Variants in LINGO2 observed in about 807,000 individuals in gnomAD.
LINGO2 encodes leucine rich repeat and Ig domain containing 2.
LINGO2 carries 14 observed loss-of-function variants against 30.6 expected under a neutral mutation model. That is an observed-to-expected ratio of 0.46 (90% CI 0.30 to 0.72). The LOEUF (loss-of-function observed/expected upper bound fraction) is 0.72. Ranked by LOEUF, LINGO2 falls within the 30% of genes least tolerant of loss-of-function variation. The pLI, the probability that LINGO2 is intolerant of heterozygous loss-of-function variation, is 0.07. For synonymous variants in LINGO2, 317 were observed against 288.5 expected (o/e 1.10, Z -1.00); for missense variants, 729 against 751.7 (o/e 0.97, Z 0.35).
At chr9:28,816,706 G>A in the LINGO2 span, among the ~76,000 whole-genome samples, 1 of 152,250 alleles carries the variant, frequency 6.6e-6, no homozygotes, top group Non-Finnish European at 1.5e-5. Context: ...AAAAGAAAGA[G>A]AGGTGATTTA....
chr9:28,072,035 A>G (rs954785854), intron 4 of LINGO2, among the ~76,000 whole-genome samples: 6 of 152,140 alleles, frequency 3.9e-5, no homozygotes, highest in Admixed American at 2.6e-4. Context: ...TACCAATCCC[A>G]TCTTCATCCT....
At chr9:28,258,124 C>A (rs1822443073) in intron 4 of LINGO2, among the ~76,000 whole-genome samples, 1 of 151,936 alleles carries the variant, frequency 6.6e-6, no homozygotes, top group African/African-American at 2.4e-5. Context: ...GTTTGTCTTT[C>A]AAGTGCTTAT....
chr9:28,336,827 G>T (rs564652454), intron 3 of LINGO2, among the ~76,000 whole-genome samples: 4 of 151,790 alleles, frequency 2.6e-5, no homozygotes, highest in Non-Finnish European at 5.9e-5. Context: ...AGCAATAGCA[G>T]ATTTAAAATA....
chr9:28,111,220 A>T (rs3861020), intron 4 of LINGO2, among the ~76,000 whole-genome samples: 2 of 151,994 alleles, frequency 1.3e-5, no homozygotes, highest in African/African-American at 4.8e-5. Flanking sequence ...GGAACATCAC[A>T]CACCCGGGCC....
chr9:28,196,314 T>C (rs1290789798), intron 4 of LINGO2, among the ~76,000 whole-genome samples: 2 of 151,682 alleles, frequency 1.3e-5, no homozygotes, highest in African/African-American at 2.4e-5. Flanking sequence ...AATAATGTAA[T>C]TATCAGAATT....
the LINGO2 span, chr9:27,940,786 C>CT: frequency 1.3e-5 from 2 of 152,136 alleles, no homozygotes; most frequent in African/African-American, 4.8e-5. Flanking sequence ...ACCAGAAAGT[C>CT]TTTAAGGTGC....
chr9:28,385,693 T>C (rs906814423), intron 2 of LINGO2, among the ~76,000 whole-genome samples: 3 of 152,156 alleles, frequency 2.0e-5, no homozygotes, highest in South Asian at 2.1e-4. Context: ...ATTGTGTTTC[T>C]TTCCATAAAA....
Position 28,211,896 on chromosome 9 carries a change from G to T in LINGO2, c.-87+83312C>A, listed in dbSNP as rs550962343. Among the ~76,000 whole-genome samples, 3 of 150,964 alleles carry T rather than the reference G, an allele frequency of 2.0e-5. No homozygotes were observed. In the South Asian group the frequency reaches 6.3e-4, roughly 32 times the overall value. On this transcript the variant is annotated intron_variant, in intron 4 of 5. Transcript: ENST00000379992. The stretch of plus-strand genomic sequence containing the variant: ...TTCCTTGCTCTATTTTAAAGGTCCA[G>T]GTTAGTATTCTGCTTTGCATTCTCA...
At chr9:27,950,041 G>A (rs766337466) in exon 6 of LINGO2, 3 of 1,614,124 alleles carry the variant, frequency 1.9e-6, no homozygotes, top group Admixed American at 3.3e-5. Flanking sequence ...TTGATATTGA[G>A]ATGCTTCAGA....
chr9:29,146,452 C>T, the LINGO2 span, among the ~76,000 whole-genome samples: 15 of 151,956 alleles, frequency 9.9e-5, no homozygotes, highest in Non-Finnish European at 1.6e-4. Flanking sequence ...GCTGCTTTTG[C>T]CCACAATTAC....
the LINGO2 span, among the ~76,000 whole-genome samples, chr9:28,794,906 C>T: frequency 6.6e-6 from 1 of 151,604 alleles, no homozygotes. Flanking sequence ...TCTCAGCTCA[C>T]TGCAACCTGC....
chr9:28,804,567 A>AAACAAAC, the LINGO2 span, among the ~76,000 whole-genome samples: 1 of 124,468 alleles, frequency 8.0e-6, no homozygotes, highest in African/African-American at 2.5e-5. Context: ...ACAAAAACAA[A>AAACAAAC]AAAAAAACAG....
At chr9:29,188,014 C>CTTTTTTTTTT in the LINGO2 span, among the ~76,000 whole-genome samples, 52 of 75,768 alleles carry the variant, frequency 6.9e-4, no homozygotes, top group East Asian at 8.3e-4. Flanking sequence ...TTGACAGAGT[C>CTTTTTTTTTT]TTTTTTTTTT....
chr9:28,634,660 A>G (rs891236121), intron 1 of LINGO2, among the ~76,000 whole-genome samples: 5 of 151,540 alleles, frequency 3.3e-5, no homozygotes, highest in Non-Finnish European at 7.4e-5. Context: ...TAACTTTTGT[A>G]TTTTTGGTAG....
the LINGO2 span, among the ~76,000 whole-genome samples, chr9:29,007,370 T>A: frequency 6.6e-6 from 1 of 152,144 alleles, no homozygotes; most frequent in Non-Finnish European, 1.5e-5. Flanking sequence ...TACTCCATTA[T>A]ATATTTTGTT....
At chr9:28,217,487 C>T (rs1410533932) in intron 4 of LINGO2, among the ~76,000 whole-genome samples, 1 of 152,032 alleles carries the variant, frequency 6.6e-6, no homozygotes, top group East Asian at 1.9e-4. Flanking sequence ...TGTTCATACC[C>T]TTATGCATGA....
chr9:29,065,998 GA>G, the LINGO2 span, among the ~76,000 whole-genome samples: 3 of 151,932 alleles, frequency 2.0e-5, no homozygotes, highest in African/African-American at 4.8e-5. Flanking sequence ...GCAGAAGAGA[GA>G]AAACTGGAGC....
intron 3 of LINGO2, among the ~76,000 whole-genome samples, chr9:28,323,961 G>A (rs1336283563): frequency 4.6e-5 from 7 of 152,190 alleles, no homozygotes; most frequent in Admixed American, 4.6e-4. Context: ...AAACCTAACA[G>A]TACAAATGCT....
upstream of LINGO2, among the ~76,000 whole-genome samples, chr9:28,672,758 T>C (rs180804700): frequency 3.1e-3 from 478 of 152,248 alleles, 4 homozygotes; most frequent in Middle Eastern, 0.014. Flanking sequence ...GAGAGAATCC[T>C]GAAACCTCAT....
Sources: allele counts gnomAD v4.1 joint callset (sites outside exome capture counted in the v4.1 genomes callset), GRCh38; gene constraint gnomAD v4.1.1; transcripts MANE v1.5; gene names NCBI Gene and HGNC (gene_info 2026-07-23, HGNC 2026-07-21).